The following DDB2 variants were observed in gnomAD, a reference collection of about 807,000 sequenced individuals.
DDB2 encodes the protein damage specific DNA binding protein 2.
Under a neutral mutation model 50.5 loss-of-function variants are expected in DDB2, and 27 were observed. The ratio of observed to expected loss-of-function variants is 0.53; its 90% CI spans 0.39 to 0.74. The LOEUF (loss-of-function observed/expected upper bound fraction) is 0.74. DDB2 is among the 30% of genes least tolerant of loss of function. The pLI is 0.00. For missense variants in DDB2, 424 were observed against 545.6 expected (o/e 0.78, Z 2.22); for synonymous variants, 176 against 205.5 (o/e 0.86, Z 1.23).
At chr11:47,237,424 G>T (rs1199678138) in intron 7 of DDB2, among the ~76,000 whole-genome samples, 1 of 151,478 alleles carries the variant, frequency 6.6e-6, no homozygotes, top group Non-Finnish European at 1.5e-5. Flanking sequence ...CTTGTTACTG[G>T]CAAATACTAC....
Position 47,216,849 on chromosome 11 carries a change from C to G in DDB2, c.265-9C>G. The G allele has an allele frequency of 6.2e-7, 1 of 1,613,890 alleles. No homozygotes were observed. On this transcript the variant is annotated splice_polypyrimidine_tract_variant and intron_variant, in intron 2 of 9. Transcript: ENST00000256996. ...TTAATTCAACCTAATTCATTTCTCT[C>G]TGTGGCAGGGGCTCCAGCAGTCCTT...
At position 47,235,271 on chromosome 11, in the gene DDB2, T is replaced by C; in HGVS notation, c.882T>C (p.Ala294=). ...CTCAGGGGCTTTTCACTTTGCCAGC[T>C]TGTTTCAGTCCCGATGGAGCCCGGC... ...SLPHRHPVNA[A]CFSPDGARLL... Residue 294 remains alanine (A), a splice_region_variant and synonymous_variant, in exon 7 of 10, where the codon GCT becomes GCC. Coordinates refer to ENST00000256996, the MANE Select transcript of DDB2 (RefSeq NM_000107.3). 1 of 1,614,216 alleles carries C rather than the reference T, an allele frequency of 6.2e-7. No individual in the cohort carries two copies. Among genetic ancestry groups the C allele is most frequent in the South Asian group, 1.1e-5 (1 of 91,088 alleles).
chr11:47,215,154 C>G lies in DDB2; in HGVS notation c.18C>G (p.Arg6=), dbSNP rs1051950278. 1.2e-6 allele frequency: 2 copies of G among 1,614,010 alleles called. No individual in the cohort carries two copies. The highest frequency in any genetic ancestry group is 3.3e-5 in the Admixed American group (2 of 59,988). The change falls in exon 1 of 10, where the codon CGC becomes CGG. Residue 6 remains arginine, a synonymous_variant. Transcript: ENST00000256996. The stretch of plus-strand genomic sequence containing the variant: ...AGGACGCGATGGCTCCCAAGAAACG[C>G]CCAGAAACCCAGAAGACCTCCGAGA... The part of the protein sequence containing the change: MAPKK[R]PETQKTSEIV...
chr11:47,217,362 G>A lies in DDB2; in HGVS notation c.456+313G>A, dbSNP rs147297424. ...TTACACTCCAGCCTGGGCAACAAGA[G>A]TGAAACTCCATCTCAAAATAATAAT... On this transcript the variant is annotated intron_variant, in intron 3 of 9. Transcript: ENST00000256996. 5.7e-3 allele frequency: 965 copies of A among 170,272 alleles called. 14 individuals are homozygous for A. Among genetic ancestry groups the A allele is most frequent in the African/African-American group, 0.022 (914 of 41,912 alleles). The allele number at this position is 170,272 out of a possible 1,614,324, so 10.5% of individuals were successfully genotyped here. A position where few individuals can be genotyped will look rare whatever the true frequency, so the allele number is the denominator to read the frequency against.
rs564567656 is a variant in DDB2 at position 47,220,958 on chromosome 11, C to T, written c.456+3909C>T. On this transcript the variant is annotated intron_variant, in intron 3 of 9. Coordinates refer to ENST00000256996, the MANE Select transcript of DDB2 (RefSeq NM_000107.3). Reference sequence around the variant, plus strand: ...GTGGATCACCTGAGGTCAGGAGTTCCGAGACCAGCCTGACCAACACATAGT... The same window carrying T: ...GTGGATCACCTGAGGTCAGGAGTTCTGAGACCAGCCTGACCAACACATAGT... Among the ~76,000 whole-genome samples the T allele has an allele frequency of 5.3e-5, 8 of 152,146 alleles. No homozygotes were observed. The South Asian group carries it at 8.3e-4, about 16-fold the overall frequency.
intron 3 of DDB2, among the ~76,000 whole-genome samples, chr11:47,222,061 C>T (rs1953492949): frequency 6.6e-6 from 1 of 152,180 alleles, no homozygotes; most frequent in African/African-American, 2.4e-5. Context: ...GTGAAGCCAT[C>T]ACCACAATTA....
At chr11:47,222,425 C>T (rs1035548960) in intron 3 of DDB2, among the ~76,000 whole-genome samples, 3 of 151,856 alleles carry the variant, frequency 2.0e-5, no homozygotes, top group Admixed American at 2.0e-4. Flanking sequence ...TTCAGCATAG[C>T]CTCAACCTCC....
chr11:47,227,156 G>C (rs1350728086), intron 3 of DDB2, among the ~76,000 whole-genome samples: 2 of 121,060 alleles, frequency 1.7e-5, no homozygotes, highest in Non-Finnish European at 3.2e-5. Context: ...GTACAGGCTG[G>C]AGTGTAATGG....
chr11:47,231,149 CAA>C (rs1222594611), intron 3 of DDB2, among the ~76,000 whole-genome samples: 3 of 126,292 alleles, frequency 2.4e-5, no homozygotes, highest in African/African-American at 8.8e-5. Context: ...AAAAAACACA[CAA>C]AGAAAATCCC....
rs1953400281 is a variant in DDB2, at chr11:47,216,331, G to A, written c.128-5G>A. ...AGAGGAAAATATGTCTGTTCTGCTT[G>A]GCAGGTCCTAGCAGAAGATGTGACT... On this transcript the variant is annotated splice_polypyrimidine_tract_variant and splice_region_variant and intron_variant, in intron 1 of 9. Coordinates refer to ENST00000256996, the MANE Select transcript of DDB2 (RefSeq NM_000107.3). 6.2e-7 allele frequency: 1 copy of A among 1,613,962 alleles called. No individual in the cohort carries two copies. Among genetic ancestry groups the A allele is most frequent in the Non-Finnish European group, 8.5e-7 (1 of 1,179,994 alleles).
intron 8 of DDB2, 47 bp from the exon 9 acceptor site, chr11:47,238,091 G>A: frequency 1.9e-6 from 3 of 1,611,320 alleles, no homozygotes; most frequent in Non-Finnish European, 2.5e-6. Context: ...AGGTGTCTCT[G>A]CTAATACCTT....
Position 47,234,781 on chromosome 11 carries a change from A to G in DDB2, c.727A>G (p.Lys243Glu). ...KELWNLRMHK[K>E]KVTHVALNPC... ...GCTTTGGAATCTCAGAATGCACAAA[A>G]AGAAAGTGACGCATGTGGCCCTGAA... The change falls in exon 6 of 10, where the codon AAG becomes GAG. Residue 243 changes from lysine to glutamate, a missense_variant. Physicochemically the swap from Lys to Glu is moderately conservative, Grantham distance 56. Transcript: ENST00000256996. 6.2e-7 allele frequency: 1 copy of G among 1,614,172 alleles called. No homozygotes were observed. The highest frequency in any genetic ancestry group is 8.5e-7 in the Non-Finnish European group (1 of 1,180,022).
Position 47,238,783 on chromosome 11 carries a change from G to A in DDB2, c.1235-17G>A. ...GGTAACAGAAAGTGTAAGTCAGACT[G>A]GTCTCACTCTTCCTAGGTTACCACA... On this transcript the variant is annotated splice_polypyrimidine_tract_variant and intron_variant, in intron 9 of 9. Coordinates refer to ENST00000256996, the MANE Select transcript of DDB2 (RefSeq NM_000107.3). 1 of 1,613,260 alleles carries A rather than the reference G, an allele frequency of 6.2e-7. No homozygotes were observed. The highest frequency in any genetic ancestry group is 8.5e-7 in the Non-Finnish European group (1 of 1,179,556).
At position 47,234,664 on chromosome 11, in the gene DDB2, G is replaced by A. The variant is rs774675310; in HGVS notation, c.694G>A (p.Gly232Ser). 15 of 1,613,902 alleles carry A rather than the reference G, an allele frequency of 9.3e-6. No homozygotes were observed. The highest frequency in any genetic ancestry group is 1.7e-5 in the Admixed American group (1 of 59,968). Reference protein sequence around the residue: ...VGNVILLNMDGKELWNLRMHK... With the variant: ...VGNVILLNMDSKELWNLRMHK... Reference sequence around the variant, plus strand: ...GAACGTGATCCTGCTGAACATGGACGGCAAAGAGGTGCGTTCTCCGAGGTC... The same window carrying A: ...GAACGTGATCCTGCTGAACATGGACAGCAAAGAGGTGCGTTCTCCGAGGTC... The change falls in exon 5 of 10, where the codon GGC (glycine) becomes AGC (serine). Residue 232 changes from glycine to serine, a missense_variant. Gly to Ser is a moderately conservative substitution (Grantham distance 56). Transcript: ENST00000256996.
At chr11:47,216,207 G>A in intron 1 of DDB2, 129 bp from the exon 2 acceptor site, 1 of 1,410,886 alleles carries the variant, frequency 7.1e-7, no homozygotes, top group Non-Finnish European at 1.0e-6. Flanking sequence ...ACACAGACAT[G>A]GAAAGGCCGC....
rs537319701 is a variant in DDB2, at chr11:47,226,909, CTTTGT to C, written c.457-5891_457-5887del. Among the ~76,000 whole-genome samples, 351 of 151,534 alleles carry C rather than the reference CTTTGT, an allele frequency of 2.3e-3. 2 individuals carry two copies. The highest frequency in any genetic ancestry group is 8.0e-3 in the African/African-American group (332 of 41,308). Reference sequence around the variant, plus strand: ...GGTGCTCACCATCATACCTTGCTAACTTTGTTTTGTTTTGTTTTTTTCGCTGTCTC... The same window carrying C: ...GGTGCTCACCATCATACCTTGCTAACTTTGTTTTGTTTTTTTCGCTGTCTC... On this transcript the variant is annotated intron_variant, in intron 3 of 9. Coordinates refer to ENST00000256996, the MANE Select transcript of DDB2 (RefSeq NM_000107.3).
chr11:47,215,377 C>T, intron 1 of DDB2, 114 bp downstream of exon 1: 1 of 1,539,012 alleles, frequency 6.5e-7, no homozygotes, highest in South Asian at 1.1e-5. Context: ...GTCACGGGTG[C>T]CTCCGGCTGT....
intron 1 of DDB2, chr11:47,216,098 C>T: frequency 1.5e-6 from 1 of 645,564 alleles, no homozygotes; most frequent in Non-Finnish European, 2.8e-6. Context: ...CCCTGCACGA[C>T]TGTATTTACT....
At chr11:47,228,591 C>A (rs1173526836) in intron 3 of DDB2, among the ~76,000 whole-genome samples, 1 of 142,076 alleles carries the variant, frequency 7.0e-6, no homozygotes. Context: ...TGCAGTGAGC[C>A]AAGATTGTGC....
Sources: allele counts gnomAD v4.1 joint callset (sites outside exome capture counted in the v4.1 genomes callset), GRCh38; gene constraint gnomAD v4.1.1; transcripts MANE v1.5; gene names NCBI Gene and HGNC (gene_info 2026-07-23, HGNC 2026-07-21).